The following GDF2 variants were observed in gnomAD, a reference collection of about 807,000 sequenced individuals.
The protein encoded by GDF2 is growth differentiation factor 2, also known as growth/differentiation factor 2.
GDF2 carries 17 observed loss-of-function variants against 16.9 expected under a neutral mutation model. The observed-to-expected ratio is 1.00, with a 90% CI of 0.69 to 1.51. GDF2 has a LOEUF of 1.51. GDF2 is among the 40% of genes most tolerant of loss of function. GDF2 has a pLI of 0.00. For synonymous variants in GDF2, 276 were observed against 237.6 expected (o/e 1.16, Z -1.49); for missense variants, 523 against 556.3 (o/e 0.94, Z 0.60).
At chr10:47,324,538 G>T (rs1272653222) in intron 1 of GDF2, among the ~76,000 whole-genome samples, 3 of 152,206 alleles carry the variant, frequency 2.0e-5, no homozygotes, top group Non-Finnish European at 4.4e-5. Flanking sequence ...TCCTCCCAGG[G>T]TAAGTGAGAG....
Position 47,325,891 on chromosome 10 carries a change from G to A in GDF2, c.*107G>A, listed in dbSNP as rs1245266781. 8 of 791,106 alleles carry A rather than the reference G, an allele frequency of 1.0e-5. No individual in the cohort carries two copies. The East Asian group carries it at 1.6e-4, about 16-fold the overall frequency. The allele number at this position is 791,106 out of a possible 1,614,324, so 49.0% of individuals were successfully genotyped here. A position where few individuals can be genotyped will look rare whatever the true frequency, so the allele number is the denominator to read the frequency against. On this transcript the variant is annotated 3_prime_UTR_variant, in exon 2 of 2. Coordinates refer to ENST00000581492, the MANE Select transcript of GDF2 (RefSeq NM_016204.4). The stretch of plus-strand genomic sequence containing the variant: ...GATTCAATCTGCATGCCAGCCTGGA[G>A]GAGGAAAGGGAGCCTGCTCTCCCTC...
rs1317639686 is a variant in GDF2, at chr10:47,325,058, C to A, written c.564C>A (p.Thr188=). The change falls in exon 2 of 2, where the codon ACC becomes ACA. Residue 188 remains threonine, a synonymous_variant. Coordinates refer to ENST00000581492, the MANE Select transcript of GDF2 (RefSeq NM_016204.4). ...ATGCCTGGGATAGTGCTACAGAGAC[C>A]AAGACCTTCCTGGTGTCCCAGGACA... ...GTDAWDSATE[T]KTFLVSQDIQ... The A allele has an allele frequency of 6.2e-7, 1 of 1,614,078 alleles. No individual in the cohort carries two copies. Among genetic ancestry groups the A allele is most frequent in the African/African-American group, 1.3e-5 (1 of 75,062 alleles).
rs143735826 is a variant in GDF2 at position 47,323,528 on chromosome 10, C to G, written c.346+514C>G. Among the ~76,000 whole-genome samples, 5 of 152,268 alleles carry G rather than the reference C, an allele frequency of 3.3e-5. No homozygotes were observed. In the South Asian group the frequency reaches 1.0e-3, roughly 32 times the overall value. The stretch of plus-strand genomic sequence containing the variant: ...GCACATCTATTCCTTTCTTATGAAA[C>G]GGTTTTAAAAATCAGATAAAATTCT... On this transcript the variant is annotated intron_variant, in intron 1 of 1. Transcript: ENST00000581492.
In GDF2 at chr10:47,327,022, G is replaced by C. The variant is rs1024449188; in HGVS notation, c.*1238G>C. Among the ~76,000 whole-genome samples, 1 of 152,194 alleles carries C rather than the reference G, an allele frequency of 6.6e-6. No individual in the cohort carries two copies. Among genetic ancestry groups the C allele is most frequent in the Non-Finnish European group, 1.5e-5 (1 of 68,032 alleles). On this transcript the variant is annotated 3_prime_UTR_variant, in exon 2 of 2. Transcript: ENST00000581492. ...CCTCGGAAGAGCTGCAGTCCTTATC[G>C]GCTATCACTGGCTCTGCCTGCATTT...
At position 47,325,557 on chromosome 10, in the gene GDF2, G is replaced by T. The variant is rs1200646207; in HGVS notation, c.1063G>T (p.Glu355Ter). The stretch of plus-strand genomic sequence containing the variant: ...TGCACCCAAGGAGTATGAAGCCTAC[G>T]AGTGTAAGGGCGGCTGCTTCTTCCC... ...IIAPKEYEAY[E>*]CKGGCFFPLA... Residue 355 changes from glutamate (E) to a stop codon, truncating the protein, a stop_gained, in exon 2 of 2, where the codon GAG becomes TAG. Coordinates refer to ENST00000581492, the MANE Select transcript of GDF2 (RefSeq NM_016204.4). LOFTEE classifies it high-confidence loss of function. 6.2e-7 allele frequency: 1 copy of T among 1,614,014 alleles called. No individual in the cohort carries two copies. The highest frequency in any genetic ancestry group is 8.5e-7 in the Non-Finnish European group (1 of 1,180,026).
Position 47,324,976 on chromosome 10 carries a change from AC to A in GDF2, c.486del (p.Ser163LeufsTer4). The A allele has an allele frequency of 6.2e-7, 1 of 1,614,026 alleles. No individual in the cohort carries two copies. Among genetic ancestry groups the A allele is most frequent in the Non-Finnish European group, 8.5e-7 (1 of 1,179,994 alleles). On this transcript the variant is annotated frameshift_variant, in exon 2 of 2. Transcript: ENST00000581492. LOFTEE classifies it low-confidence loss of function (END_TRUNC). ...RLYVSCQNHV[D>X]PSHDLKGSVV... Reference sequence around the variant, plus strand: ...TATGTCTCCTGTCAAAATCACGTGGACCCCTCTCATGACCTGAAAGGAAGCG... The same window carrying A: ...TATGTCTCCTGTCAAAATCACGTGGACCCTCTCATGACCTGAAAGGAAGCG...
In GDF2 at chr10:47,322,768, G is replaced by A. The variant is rs781855753; in HGVS notation, c.100G>A (p.Gly34Arg). 1 of 1,612,810 alleles carries A rather than the reference G, an allele frequency of 6.2e-7. No individual in the cohort carries two copies. The highest frequency in any genetic ancestry group is 8.5e-7 in the Non-Finnish European group (1 of 1,179,316). Residue 34 changes from glycine to arginine, a missense_variant, in exon 1 of 2, where the codon GGG becomes AGG. Physicochemically the swap from Gly to Arg is moderately radical, Grantham distance 125 (BLOSUM62 -2). Transcript: ENST00000581492. The stretch of plus-strand genomic sequence containing the variant: ...GCAGAGCTGGGGACGAGGGTCTGCT[G>A]GGGGAAACGCCCACAGCCCACTGGG... ...PLQSWGRGSAGGNAHSPLGVP... is the reference protein window; with the variant it reads ...PLQSWGRGSARGNAHSPLGVP...
chr10:47,322,606 C>T lies in GDF2; in HGVS notation c.-63C>T, dbSNP rs2061087714. 9.6e-6 allele frequency: 12 copies of T among 1,252,556 alleles called. No homozygotes were observed. The highest frequency in any genetic ancestry group is 3.3e-5 in the South Asian group (2 of 61,264). 77.6% of individuals were successfully genotyped at this position (1,252,556 alleles called of 1,614,324 possible). The stretch of plus-strand genomic sequence containing the variant: ...GGCCCGCTCCTTCCCAGCTCCTCCC[C>T]GTGCCCGCTAACACAGCACGGCCGC... On this transcript the variant is annotated 5_prime_UTR_variant, in exon 1 of 2. Transcript: ENST00000581492.
intron 1 of GDF2, among the ~76,000 whole-genome samples, chr10:47,323,723 G>A (rs565465623): frequency 6.6e-6 from 1 of 152,222 alleles, no homozygotes; most frequent in Non-Finnish European, 1.5e-5. Context: ...TTCAGTCAAA[G>A]CTTGCAGCCA....
chr10:47,323,339 C>G (rs1341480448), intron 1 of GDF2, among the ~76,000 whole-genome samples: 4 of 152,164 alleles, frequency 2.6e-5, no homozygotes, highest in African/African-American at 9.7e-5. Context: ...GATGCCAGCT[C>G]TCTTTTTTCC....
rs1023798138 is a variant in GDF2 at position 47,322,585 on chromosome 10, C to T, written c.-84C>T. The T allele has an allele frequency of 1.2e-5, 13 of 1,047,806 alleles. No homozygotes were observed. The highest frequency in any genetic ancestry group is 2.9e-5 in the Admixed American group (1 of 34,424). 64.9% of individuals were successfully genotyped at this position (1,047,806 alleles called of 1,614,324 possible). A position where few individuals can be genotyped will look rare whatever the true frequency, so the allele number is the denominator to read the frequency against. On this transcript the variant is annotated 5_prime_UTR_variant, in exon 1 of 2. Transcript: ENST00000581492. Reference sequence around the variant, plus strand: ...AGCAAACAGCAGGGAGATGCCGGCCCGCTCCTTCCCAGCTCCTCCCCGTGC... The same window carrying T: ...AGCAAACAGCAGGGAGATGCCGGCCTGCTCCTTCCCAGCTCCTCCCCGTGC...
rs2061109418 is a variant in GDF2, at chr10:47,326,868, G to A, written c.*1084G>A. Among the ~76,000 whole-genome samples the A allele has an allele frequency of 1.3e-5, 2 of 152,226 alleles. No individual in the cohort carries two copies. Among genetic ancestry groups the A allele is most frequent in the South Asian group, 2.1e-4 (1 of 4,832 alleles). On this transcript the variant is annotated 3_prime_UTR_variant, in exon 2 of 2. Transcript: ENST00000581492. ...CCCAGTGACAACCTCATGGGAGACGGGCCTGGATTTGAATTTGTTGGAATT... is the reference window on the plus strand; with the variant it reads ...CCCAGTGACAACCTCATGGGAGACGAGCCTGGATTTGAATTTGTTGGAATT...
Position 47,325,847 on chromosome 10 carries a change from C to T in GDF2, c.*63C>T. Reference sequence around the variant, plus strand: ...CTCCACATGAGAGGTCCTGCATGCCCCTGGGCACAACAAGGACTGATTCAA... The same window carrying T: ...CTCCACATGAGAGGTCCTGCATGCCTCTGGGCACAACAAGGACTGATTCAA... On this transcript the variant is annotated 3_prime_UTR_variant, in exon 2 of 2. Transcript: ENST00000581492. 2 of 1,204,712 alleles carry T rather than the reference C, an allele frequency of 1.7e-6. No homozygotes were observed. The highest frequency in any genetic ancestry group is 2.8e-5 in the Admixed American group (1 of 36,000). The allele number at this position is 1,204,712 out of a possible 1,614,324, so 74.6% of individuals were successfully genotyped here.
At position 47,325,190 on chromosome 10, in the gene GDF2, C is replaced by T. The variant is rs782424237; in HGVS notation, c.696C>T (p.Ser232=). 1 of 1,614,014 alleles carries T rather than the reference C, an allele frequency of 6.2e-7. No homozygotes were observed. The highest frequency in any genetic ancestry group is 1.1e-5 in the South Asian group (1 of 91,074). Reference sequence around the variant, plus strand: ...ATAAGCTGGAAGTGACTGTGGAGAGCCACAGGAAGGGCTGCGACACGCTGG... The same window carrying T: ...ATAAGCTGGAAGTGACTGTGGAGAGTCACAGGAAGGGCTGCGACACGCTGG... The part of the protein sequence containing the change: ...SKNKLEVTVE[S]HRKGCDTLDI... Residue 232 remains serine (S), a synonymous_variant, in exon 2 of 2, where the codon AGC becomes AGT. Coordinates refer to ENST00000581492, the MANE Select transcript of GDF2 (RefSeq NM_016204.4).
rs1555209029 is a variant in GDF2, at chr10:47,325,380, G to A, written c.886G>A (p.Gly296Ser). The A allele has an allele frequency of 1.9e-6, 3 of 1,614,052 alleles. No homozygotes were observed. Among genetic ancestry groups the A allele is most frequent in the African/African-American group, 2.7e-5 (2 of 74,942 alleles). Residue 296 changes from glycine to serine, a missense_variant, in exon 2 of 2, where the codon GGT becomes AGT. Gly to Ser is a moderately conservative substitution (Grantham distance 56). Transcript: ENST00000581492. ...GTCCAAGGACGGCTCCACAGAGGCA[G>A]GTGAGAGCAGTCACGAGGAGGACAC... ...KLSKDGSTEA[G>S]ESSHEEDTDG...
At position 47,325,101 on chromosome 10, in the gene GDF2, G is replaced by A. The variant is rs1388916581; in HGVS notation, c.607G>A (p.Glu203Lys). ...CCAGGACATTCAGGATGAGGGCTGG[G>A]AGACCTTGGAAGTGTCCAGCGCCGT... ...VSQDIQDEGW[E>K]TLEVSSAVKR... is the part of the protein sequence containing the mutation. The change falls in exon 2 of 2, where the codon GAG becomes AAG. Residue 203 changes from glutamate to lysine, a missense_variant. By Grantham distance (56) the Glu-to-Lys change is moderately conservative. Transcript: ENST00000581492. 5.6e-6 allele frequency: 9 copies of A among 1,613,946 alleles called. No individual in the cohort carries two copies. The Admixed American group carries it at 1.0e-4, about 18-fold the overall frequency.
At chr10:47,324,198 G>T (rs1298435972) in intron 1 of GDF2, among the ~76,000 whole-genome samples, 1 of 152,198 alleles carries the variant, frequency 6.6e-6, no homozygotes, top group Middle Eastern at 3.2e-3. Context: ...GAAGCTAATA[G>T]ATTTTGTTCC....
chr10:47,325,944 C>CTT lies in GDF2; in HGVS notation c.*161_*162insTT, dbSNP rs773908586. 750 of 536,380 alleles carry CTT rather than the reference C, an allele frequency of 1.4e-3. 1 individual carries two copies. Among genetic ancestry groups the CTT allele is most frequent in the Non-Finnish European group, 2.0e-3 (618 of 312,578 alleles). The allele number at this position is 536,380 out of a possible 1,614,324, so 33.2% of individuals were successfully genotyped here. A position where few individuals can be genotyped will look rare whatever the true frequency, so the allele number is the denominator to read the frequency against. ...CACACCCCACCCAAAGCATACACCG[C>CTT]TGAGCTCAACTGCCAGGGAAGGCTA... is the stretch of plus-strand genomic sequence containing the variant. On this transcript the variant is annotated 3_prime_UTR_variant, in exon 2 of 2. Transcript: ENST00000581492.
rs1255787900 is a variant in GDF2, at chr10:47,322,851, C to G, written c.183C>G (p.Asn61Lys). 6.2e-7 allele frequency: 1 copy of G among 1,614,120 alleles called. No homozygotes were observed. ...TCAACCTGAAGATGTTTCTGGAGAA[C>G]GTGAAGGTGGATTTCCTGCGCAGCC... ...HTFNLKMFLE[N>K]VKVDFLRSLN... Residue 61 changes from asparagine (N) to lysine (K), a missense_variant, in exon 1 of 2, where the codon AAC becomes AAG. Asn to Lys is a moderately conservative substitution (Grantham distance 94). Transcript: ENST00000581492.
Sources: allele counts gnomAD v4.1 joint callset (sites outside exome capture counted in the v4.1 genomes callset), GRCh38; gene constraint gnomAD v4.1.1; transcripts MANE v1.5; gene names NCBI Gene and HGNC (gene_info 2026-07-23, HGNC 2026-07-21).